LINGO2: variants seen among roughly 807,000 people sequenced by gnomAD.
The protein encoded by LINGO2 is leucine rich repeat and Ig domain containing 2.
LINGO2 carries 14 observed loss-of-function variants against 30.6 expected under a neutral mutation model. The observed-to-expected ratio is 0.46, with a 90% CI of 0.30 to 0.72. The LOEUF is 0.72. Ranked by LOEUF, LINGO2 falls within the 30% of genes least tolerant of loss-of-function variation. The pLI, the probability that LINGO2 is intolerant of heterozygous loss-of-function variation, is 0.07. For missense variants in LINGO2, 729 were observed against 751.7 expected (o/e 0.97, Z 0.35); for synonymous variants, 317 against 288.5 (o/e 1.10, Z -1.00).
At chr9:28,777,345 C>T in the LINGO2 span, among the ~76,000 whole-genome samples, 1 of 152,178 alleles carries the variant, frequency 6.6e-6, no homozygotes, top group East Asian at 1.9e-4. Context: ...ACCTCTAAAA[C>T]TGAAGAAAAG....
intron 4 of LINGO2, among the ~76,000 whole-genome samples, chr9:28,078,281 G>A (rs1248115338): frequency 1.3e-5 from 2 of 148,910 alleles, no homozygotes; most frequent in African/African-American, 2.6e-5. Flanking sequence ...GGCATGCAGG[G>A]CAACTGAGAG....
At chr9:28,932,239 G>A in the LINGO2 span, among the ~76,000 whole-genome samples, 1 of 151,850 alleles carries the variant, frequency 6.6e-6, no homozygotes, top group African/African-American at 2.4e-5. Flanking sequence ...AGATATATTT[G>A]GGAACATTCA....
the LINGO2 span, among the ~76,000 whole-genome samples, chr9:28,954,488 GTTTAC>G: frequency 6.6e-6 from 1 of 150,932 alleles, no homozygotes; most frequent in Non-Finnish European, 1.5e-5. Context: ...TTTTTTGCTT[GTTTAC>G]TTTAAAGAAA....
In LINGO2 at chr9:27,950,713, G is replaced by A. The variant is rs1446658878; in HGVS notation, c.-35-7C>T. On this transcript the variant is annotated splice_polypyrimidine_tract_variant and splice_region_variant and intron_variant, in intron 5 of 5. Coordinates refer to ENST00000379992, the Ensembl canonical transcript of LINGO2. ...CTACACCTTGGTCACGGGTCTGCAT[G>A]GAAGGGACACAAGAAGGGAGGAAGA... 1 of 1,450,864 alleles carries A rather than the reference G, an allele frequency of 6.9e-7. No homozygotes were observed. Among genetic ancestry groups the A allele is most frequent in the Non-Finnish European group, 9.1e-7 (1 of 1,095,558 alleles). 89.9% of individuals were successfully genotyped at this position (1,450,864 alleles called of 1,614,324 possible). A position where few individuals can be genotyped will look rare whatever the true frequency, so the allele number is the denominator to read the frequency against.
intron 4 of LINGO2, among the ~76,000 whole-genome samples, chr9:28,153,092 G>T (rs1828043145): frequency 6.6e-6 from 1 of 152,136 alleles, no homozygotes; most frequent in South Asian, 2.1e-4. Flanking sequence ...ATCTATCAGA[G>T]AAGCAAAATG....
intron 4 of LINGO2, among the ~76,000 whole-genome samples, chr9:28,238,691 G>A (rs1821667669): frequency 6.6e-6 from 1 of 151,836 alleles, no homozygotes; most frequent in Admixed American, 6.6e-5. Flanking sequence ...ACATAAAATA[G>A]AAGAAAAACT....
chr9:29,028,697 T>C, the LINGO2 span, among the ~76,000 whole-genome samples: 1 of 152,168 alleles, frequency 6.6e-6, no homozygotes, highest in African/African-American at 2.4e-5. Context: ...GAACATCATG[T>C]GAGCAAGGCC....
At chr9:28,370,442 ATGAGTG>A (rs1194529982) in intron 3 of LINGO2, among the ~76,000 whole-genome samples, 1 of 152,174 alleles carries the variant, frequency 6.6e-6, no homozygotes, top group Non-Finnish European at 1.5e-5. Context: ...TACAAAGAAT[ATGAGTG>A]GAATTCACTG....
At chr9:28,608,978 G>T (rs1177863948) in intron 1 of LINGO2, among the ~76,000 whole-genome samples, 1 of 151,802 alleles carries the variant, frequency 6.6e-6, no homozygotes. Context: ...TAAAACATTT[G>T]GGGCAGAAAA....
At chr9:28,376,263 AGAGAAGAG>A (rs139143595) in intron 2 of LINGO2, among the ~76,000 whole-genome samples, 13,473 of 145,588 alleles carry the variant, frequency 0.093, 813 homozygotes, top group Admixed American at 0.15. Flanking sequence ...GAAGAGAAGA[AGAGAAGAG>A]AAGAGAAGAG....
chr9:28,752,251 A>C, the LINGO2 span, among the ~76,000 whole-genome samples: 1 of 151,914 alleles, frequency 6.6e-6, no homozygotes, highest in African/African-American at 2.4e-5. Flanking sequence ...AGGTAGAATT[A>C]CCCTATGAAT....
intron 2 of LINGO2, among the ~76,000 whole-genome samples, chr9:28,413,332 G>T (rs1158014206): frequency 3.9e-5 from 6 of 152,096 alleles, no homozygotes; most frequent in Admixed American, 1.3e-4. Flanking sequence ...TTGTGGTTGG[G>T]AAAGTGACTT....
At chr9:28,842,191 G>A in the LINGO2 span, among the ~76,000 whole-genome samples, 1 of 151,846 alleles carries the variant, frequency 6.6e-6, no homozygotes, top group South Asian at 2.1e-4. Flanking sequence ...TGTCCCCTGA[G>A]TTGGAACAGA....
the LINGO2 span, among the ~76,000 whole-genome samples, chr9:28,916,931 C>T: frequency 6.6e-6 from 1 of 152,128 alleles, no homozygotes; most frequent in African/African-American, 2.4e-5. Context: ...ACACATCCAC[C>T]AATACTGGGG....
chr9:29,191,726 T>A, the LINGO2 span, among the ~76,000 whole-genome samples: 14 of 152,278 alleles, frequency 9.2e-5, no homozygotes, highest in South Asian at 2.9e-3. Flanking sequence ...CTGCCATGCA[T>A]GTTTCGCTAT....
chr9:28,433,949 C>CTCTCTATATATATATATATATATA (rs1225323260), intron 2 of LINGO2, among the ~76,000 whole-genome samples: 7 of 88,532 alleles, frequency 7.9e-5, no homozygotes, highest in African/African-American at 3.1e-4. Flanking sequence ...CTCTCTCTCT[C>CTCTCTATATATATATATATATATA]TATATATATA....
the LINGO2 span, among the ~76,000 whole-genome samples, chr9:29,169,600 T>C: frequency 5.3e-5 from 8 of 152,258 alleles, no homozygotes; most frequent in Admixed American, 5.2e-4. Flanking sequence ...ACACCAGTCA[T>C]AATGGCTATT....
At chr9:29,025,650 A>G in the LINGO2 span, among the ~76,000 whole-genome samples, 1 of 152,136 alleles carries the variant, frequency 6.6e-6, no homozygotes, top group East Asian at 1.9e-4. Flanking sequence ...CCTCACAGTT[A>G]CCATTGCTGT....
chr9:28,345,269 T>C (rs565538213), intron 3 of LINGO2, among the ~76,000 whole-genome samples: 1 of 152,162 alleles, frequency 6.6e-6, no homozygotes, highest in Non-Finnish European at 1.5e-5. Context: ...TTTTAATTCA[T>C]ATATTTTTTT....
Sources: gnomAD v4.1 joint callset for allele counts (sites outside exome capture counted in the v4.1 genomes callset) on GRCh38, gnomAD v4.1.1 for gene constraint, MANE v1.5 for transcripts, NCBI Gene and HGNC (gene_info 2026-07-23, HGNC 2026-07-21) for gene names.